Variants in LIN54 observed in about 807,000 individuals in gnomAD.
LIN54 encodes lin-54 DREAM MuvB core complex component.
LIN54 carries 9 observed loss-of-function variants against 78.7 expected under a neutral mutation model. The ratio of observed to expected loss-of-function variants is 0.11; its 90% CI spans 0.07 to 0.20. LIN54 has a LOEUF of 0.20. Among genes scored for constraint, LIN54 ranks in the 10% least tolerant of loss-of-function variants. The pLI is 1.00. For missense variants in LIN54, 573 were observed against 889.9 expected (o/e 0.64, Z 4.53); for synonymous variants, 269 against 318.4 (o/e 0.84, Z 1.65).
intron 4 of LIN54, among the ~76,000 whole-genome samples, chr4:82,967,917 G>A (rs1210572025): frequency 6.6e-6 from 1 of 152,144 alleles, no homozygotes; most frequent in Non-Finnish European, 1.5e-5. Context: ...TCTCCACCGC[G>A]AATCCCTGAG....
At position 82,984,787 on chromosome 4, in the gene LIN54, C is replaced by T; in HGVS notation, c.58G>A (p.Gly20Ser). Residue 20 changes from glycine (G) to serine (S), a missense_variant, in exon 2 of 13, where the codon GGT becomes AGT. Transcript: ENST00000340417. ...CTATCATCATCCACTAAAGTTATACCAGTGTCCATTATTTCCTCTGGAAGC... is the reference window on the plus strand; with the variant it reads ...CTATCATCATCCACTAAAGTTATACTAGTGTCCATTATTTCCTCTGGAAGC... ...SLLPEEIMDT[G>S]ITLVDDDSIE... 6.2e-7 allele frequency: 1 copy of T among 1,613,834 alleles called. No homozygotes were observed. The highest frequency in any genetic ancestry group is 8.5e-7 in the Non-Finnish European group (1 of 1,179,918).
intron 1 of LIN54, among the ~76,000 whole-genome samples, chr4:83,002,723 C>T (rs553576303): frequency 2.6e-5 from 4 of 152,154 alleles, no homozygotes; most frequent in South Asian, 4.2e-4. Context: ...CTCCTCCTTA[C>T]GGTTTTTGTA....
intron 1 of LIN54, among the ~76,000 whole-genome samples, chr4:82,999,193 A>C (rs1362730963): frequency 1.3e-5 from 2 of 152,194 alleles, no homozygotes; most frequent in Admixed American, 6.5e-5. Context: ...TAAAACTTGA[A>C]TAACACTAGG....
At chr4:82,941,233 GC>G (rs1722860799) in intron 5 of LIN54, among the ~76,000 whole-genome samples, 1 of 150,662 alleles carries the variant, frequency 6.6e-6, no homozygotes, top group Non-Finnish European at 1.5e-5. Flanking sequence ...ATTGAGATGG[GC>G]CCCAATCAAT....
intron 1 of LIN54, 114 bp from the exon 2 acceptor site, chr4:82,984,990 A>G: frequency 1.5e-6 from 1 of 664,402 alleles, no homozygotes; most frequent in Non-Finnish European, 2.5e-6. Flanking sequence ...ATATAATTGA[A>G]TGAAGAATAT....
intron 4 of LIN54, among the ~76,000 whole-genome samples, chr4:82,948,599 A>T (rs1292767698): frequency 6.6e-6 from 1 of 152,188 alleles, no homozygotes; most frequent in African/African-American, 2.4e-5. Context: ...AATCCCAAAT[A>T]CTGTACAATT....
At position 82,939,716 on chromosome 4, in the gene LIN54, A is replaced by G; in HGVS notation, c.1263T>C (p.Asn421=). The G allele has an allele frequency of 6.2e-7, 1 of 1,614,172 alleles. No homozygotes were observed. Among genetic ancestry groups the G allele is most frequent in the Non-Finnish European group, 8.5e-7 (1 of 1,180,008 alleles). ...AVKQVVPKPI[N]PTSQIVTTSQ... ...TAGTAGTTACTATTTGTGAAGTTGG[A>G]TTGATTGGTTTTGGAACAACCTAAA... Residue 421 remains asparagine, a synonymous_variant, in exon 7 of 13, where the codon AAT becomes AAC. Transcript: ENST00000340417.
At chr4:83,011,650 TG>T (rs1290594740), upstream of LIN54, among the ~76,000 whole-genome samples, 1 of 152,118 alleles carries the variant, frequency 6.6e-6, no homozygotes, top group Non-Finnish European at 1.5e-5. Flanking sequence ...ATAAACAGCT[TG>T]CTTCAGAACA....
intron 4 of LIN54, among the ~76,000 whole-genome samples, chr4:82,947,235 A>ATATATATATATATTTTTTTTTTTTT: frequency 2.3e-5 from 1 of 44,292 alleles, no homozygotes; most frequent in African/African-American, 1.0e-4. Context: ...ATATATATAT[A>ATATATATATATATTTTTTTTTTTTT]TTTTTTTTTT....
intron 1 of LIN54, among the ~76,000 whole-genome samples, chr4:82,988,327 T>A (rs886994255): frequency 6.6e-6 from 1 of 152,224 alleles, no homozygotes; most frequent in Non-Finnish European, 1.5e-5. Context: ...TTTTGAGATT[T>A]ATCTTTATCG....
intron 4 of LIN54, among the ~76,000 whole-genome samples, chr4:82,962,350 T>C (rs1724868004): frequency 6.6e-6 from 1 of 152,210 alleles, no homozygotes. Context: ...CTGGATTCAC[T>C]CTTTGCACTA....
chr4:82,941,210 C>T (rs775091721), intron 5 of LIN54, among the ~76,000 whole-genome samples: 9 of 145,864 alleles, frequency 6.2e-5, no homozygotes, highest in Admixed American at 2.7e-4. Context: ...AAAAAGCACA[C>T]GGAGGACACA....
chr4:82,954,828 A>G (rs1419204235), intron 4 of LIN54, among the ~76,000 whole-genome samples: 2 of 152,182 alleles, frequency 1.3e-5, no homozygotes, highest in Non-Finnish European at 2.9e-5. Context: ...AAAAAAAGGA[A>G]TCTAGACACA....
At chr4:82,973,951 C>G (rs1725900042) in intron 3 of LIN54, among the ~76,000 whole-genome samples, 1 of 152,212 alleles carries the variant, frequency 6.6e-6, no homozygotes, top group Non-Finnish European at 1.5e-5. Context: ...TGGCTCATGC[C>G]TGTAATCCCA....
In LIN54 at chr4:82,984,883, T is replaced by G. The variant is rs1726983797; in HGVS notation, c.-32-7A>C. On this transcript the variant is annotated splice_region_variant and splice_polypyrimidine_tract_variant and intron_variant, in intron 1 of 12. Transcript: ENST00000340417. ...CTAGAAAGTTGATCAGGCACTGTAA[T>G]AAAAGTTGAAAAATGAACAAGTTAC... is the stretch of plus-strand genomic sequence containing the variant. 4.6e-6 allele frequency: 7 copies of G among 1,531,508 alleles called. No homozygotes were observed. Among genetic ancestry groups the G allele is most frequent in the Non-Finnish European group, 4.4e-6 (5 of 1,142,956 alleles). The allele number at this position is 1,531,508 out of a possible 1,614,324, so 94.9% of individuals were successfully genotyped here. A position where few individuals can be genotyped will look rare whatever the true frequency, so the allele number is the denominator to read the frequency against.
intron 1 of LIN54, among the ~76,000 whole-genome samples, chr4:82,987,253 T>C (rs1185669990): frequency 6.6e-6 from 1 of 152,226 alleles, no homozygotes; most frequent in Non-Finnish European, 1.5e-5. Flanking sequence ...ATCGTGCCAC[T>C]GCACTCCAGC....
chr4:82,991,296 T>G (rs760660693), intron 1 of LIN54, among the ~76,000 whole-genome samples: 8 of 152,226 alleles, frequency 5.3e-5, no homozygotes, highest in Non-Finnish European at 1.2e-4. Flanking sequence ...TTTCATGTTT[T>G]TTGATGCTGT....
In LIN54 at chr4:83,010,704, G is replaced by A. The variant is rs1367645420; in HGVS notation, c.-253C>T. 1 of 1,205,116 alleles carries A rather than the reference G, an allele frequency of 8.3e-7. No individual in the cohort carries two copies. Among genetic ancestry groups the A allele is most frequent in the Non-Finnish European group, 1.0e-6 (1 of 970,992 alleles). 74.7% of individuals were successfully genotyped at this position (1,205,116 alleles called of 1,614,324 possible). On this transcript the variant is annotated 5_prime_UTR_variant, in exon 1 of 13. Transcript: ENST00000340417. ...TCGCCGTCGCCGCCGCCTCTGGTAT[G>A]TCAGGGGCCGGGATTGTATTTCGAA...
Position 82,984,749 on chromosome 4 carries a change from A to G in LIN54, c.96T>C (p.Val32=). ...CCATGGGAATTGGGGATGAAACAAT[A>G]ACAGCCTCAATACTATCATCATCCA... ...TLVDDDSIEA[V]IVSSPIPMET... Residue 32 remains valine (V), a synonymous_variant, in exon 2 of 13, where the codon GTT becomes GTC. Transcript: ENST00000340417. The G allele has an allele frequency of 1.2e-6, 2 of 1,614,048 alleles. No homozygotes were observed. The highest frequency in any genetic ancestry group is 1.7e-6 in the Non-Finnish European group (2 of 1,179,924).
Sources: allele counts gnomAD v4.1 joint callset (sites outside exome capture counted in the v4.1 genomes callset), GRCh38; gene constraint gnomAD v4.1.1; transcripts MANE v1.5; gene names NCBI Gene and HGNC (gene_info 2026-07-23, HGNC 2026-07-21).